Variants in YIPF7 observed in about 807,000 individuals in gnomAD.
YIPF7 encodes the protein protein YIPF7.
In YIPF7, 35 loss-of-function variants were observed where a neutral mutation model predicts 27.2. The ratio of observed to expected loss-of-function variants is 1.29; its 90% CI spans 0.98 to 1.70. YIPF7 has a LOEUF of 1.70. Among genes scored for constraint, YIPF7 ranks in the 40% most tolerant of loss-of-function variants. The pLI is 0.00. For missense variants in YIPF7, 358 were observed against 303.7 expected, an observed-to-expected ratio of 1.18 and a Z score of -1.33; for synonymous variants, 137 against 110.4, an observed-to-expected ratio of 1.24 and a Z score of -1.51.
chr4:44,648,173 T>C (rs538274427), intron 2 of YIPF7, among the ~76,000 whole-genome samples: 2 of 152,234 alleles, frequency 1.3e-5, no homozygotes, highest in East Asian at 1.9e-4. Flanking sequence ...TCATGCAAAA[T>C]GGGGATGATA....
intron 5 of YIPF7, among the ~76,000 whole-genome samples, chr4:44,624,118 T>G (rs1161423215): frequency 1.3e-5 from 2 of 150,442 alleles, no homozygotes; most frequent in African/African-American, 4.9e-5. Context: ...CAGGCTGGAG[T>G]GCAGTGGTGC....
Position 44,622,306 on chromosome 4 carries a change from T to A in YIPF7, c.*108A>T. 7.5e-7 allele frequency: 1 copy of A among 1,341,942 alleles called. No individual in the cohort carries two copies. The highest frequency in any genetic ancestry group is 1.5e-5 in the African/African-American group (1 of 67,900). The allele number at this position is 1,341,942 out of a possible 1,614,324, so 83.1% of individuals were successfully genotyped here. A position where few individuals can be genotyped will look rare whatever the true frequency, so the allele number is the denominator to read the frequency against. ...TGCTTTGTCTCTCTGCTTATTACTC[T>A]CTCAAAAGCAATAAAACAGAAATCA... On this transcript the variant is annotated 3_prime_UTR_variant, in exon 6 of 6. Transcript: ENST00000415895.
intron 3 of YIPF7, among the ~76,000 whole-genome samples, 174 bp from the exon 4 acceptor site, chr4:44,629,722 A>G (rs1003874030): frequency 9.4e-6 from 1 of 106,210 alleles, no homozygotes; most frequent in African/African-American, 2.7e-5. Flanking sequence ...CTCAAGTTCT[A>G]TGTAACATAT....
chr4:44,634,523 C>T (rs1430978165), intron 3 of YIPF7, among the ~76,000 whole-genome samples: 1 of 151,724 alleles, frequency 6.6e-6, no homozygotes, highest in African/African-American at 2.4e-5. Flanking sequence ...CAGAGTAAGA[C>T]TCCATCTCAA....
intron 3 of YIPF7, among the ~76,000 whole-genome samples, chr4:44,632,911 A>G (rs1712965316): frequency 6.6e-6 from 1 of 152,158 alleles, no homozygotes; most frequent in Non-Finnish European, 1.5e-5. Flanking sequence ...GTGGACCCAT[A>G]TCTACCTGCC....
At chr4:44,637,847 G>T (rs1383375684) in intron 2 of YIPF7, among the ~76,000 whole-genome samples, 1 of 152,138 alleles carries the variant, frequency 6.6e-6, no homozygotes, top group Non-Finnish European at 1.5e-5. Context: ...TACAATGTTT[G>T]GTTTTCCATT....
chr4:44,629,566 G>T lies in YIPF7; in HGVS notation c.281-18C>A, dbSNP rs1712807332. The T allele has an allele frequency of 3.3e-6, 5 of 1,495,846 alleles. No homozygotes were observed. Among genetic ancestry groups the T allele is most frequent in the East Asian group, 2.5e-5 (1 of 39,868 alleles). The allele number at this position is 1,495,846 out of a possible 1,614,324, so 92.7% of individuals were successfully genotyped here. A position where few individuals can be genotyped will look rare whatever the true frequency, so the allele number is the denominator to read the frequency against. On this transcript the variant is annotated intron_variant, in intron 3 of 5. Coordinates refer to ENST00000415895, the MANE Select transcript of YIPF7 (RefSeq NM_182592.3). ...TCCAAGTTCTGTAAAAAGGAAAAAAGATAAATAATATGATAACATAAATAT... is the reference window on the plus strand; with the variant it reads ...TCCAAGTTCTGTAAAAAGGAAAAAATATAAATAATATGATAACATAAATAT...
At chr4:44,642,650 C>A (rs550824718) in intron 2 of YIPF7, among the ~76,000 whole-genome samples, 10 of 152,088 alleles carry the variant, frequency 6.6e-5, no homozygotes, top group Non-Finnish European at 8.8e-5. Flanking sequence ...ATTATGGGGG[C>A]AATTTCTCAT....
intron 3 of YIPF7, among the ~76,000 whole-genome samples, chr4:44,633,448 AAT>A (rs61078116): frequency 0.086 from 12,979 of 151,566 alleles, 592 homozygotes; most frequent in Admixed American, 0.11. Flanking sequence ...GCACAGAAAA[AAT>A]AAATAAATCC....
chr4:44,626,824 G>A (rs537289368), intron 4 of YIPF7, among the ~76,000 whole-genome samples: 22 of 128,164 alleles, frequency 1.7e-4, no homozygotes, highest in African/African-American at 5.9e-4. Flanking sequence ...CGCCCAGGCC[G>A]GAGGGCAGTG....
chr4:44,622,236 A>G lies in YIPF7; in HGVS notation c.*178T>C. ...TTAATGCACCAAACTCAAAAGCAAA[A>G]CATCATTCAAACCAACAGGCTATTA... On this transcript the variant is annotated 3_prime_UTR_variant, in exon 6 of 6. Coordinates refer to ENST00000415895, the MANE Select transcript of YIPF7 (RefSeq NM_182592.3). 1 of 747,590 alleles carries G rather than the reference A, an allele frequency of 1.3e-6. No homozygotes were observed. Among genetic ancestry groups the G allele is most frequent in the South Asian group, 2.1e-5 (1 of 47,536 alleles). The allele number at this position is 747,590 out of a possible 1,614,324, so 46.3% of individuals were successfully genotyped here.
Position 44,640,295 on chromosome 4 carries a change from G to A in YIPF7, c.117-4210C>T, listed in dbSNP as rs192711709. Among the ~76,000 whole-genome samples the A allele has an allele frequency of 7.9e-5, 12 of 152,296 alleles. No homozygotes were observed. In the East Asian group the frequency reaches 1.4e-3, roughly 17 times the overall value. ...CTTTTTTGTACATTTGGTAGAATTCGACTGTGAATTCATGTGGTCCAGGCC... is the reference window on the plus strand; with the variant it reads ...CTTTTTTGTACATTTGGTAGAATTCAACTGTGAATTCATGTGGTCCAGGCC... On this transcript the variant is annotated intron_variant, in intron 2 of 5. Coordinates refer to ENST00000415895, the MANE Select transcript of YIPF7 (RefSeq NM_182592.3).
At chr4:44,625,856 CATTATGCTG>C (rs1477900514) in intron 4 of YIPF7, among the ~76,000 whole-genome samples, 1 of 152,142 alleles carries the variant, frequency 6.6e-6, no homozygotes, top group African/African-American at 2.4e-5. Context: ...TTTATATTTA[CATTATGCTG>C]ATCATAACTT....
chr4:44,622,751 A>G (rs942380838), intron 5 of YIPF7, among the ~76,000 whole-genome samples, 175 bp from the exon 6 acceptor site: 1 of 152,232 alleles, frequency 6.6e-6, no homozygotes, highest in Non-Finnish European at 1.5e-5. Context: ...TTTTTAGTCA[A>G]ATTCATTACA....
intron 1 of YIPF7, chr4:44,660,659 C>T (rs1448672270): frequency 2.0e-5 from 3 of 152,146 alleles, no homozygotes; most frequent in Non-Finnish European, 2.9e-5. Context: ...TTGTGAGTCA[C>T]TACATTTTGG....
At chr4:44,658,169 G>T (rs897001998) in intron 2 of YIPF7, among the ~76,000 whole-genome samples, 3 of 152,188 alleles carry the variant, frequency 2.0e-5, no homozygotes, top group African/African-American at 7.2e-5. Flanking sequence ...GATGGTATCT[G>T]GAGGTGGAGT....
At chr4:44,640,230 T>C (rs1043481904) in intron 2 of YIPF7, among the ~76,000 whole-genome samples, 1 of 152,240 alleles carries the variant, frequency 6.6e-6, no homozygotes, top group South Asian at 2.1e-4. Context: ...TCCCTCCATC[T>C]GAATTTTTGG....
intron 1 of YIPF7, 96 bp downstream of exon 1, chr4:44,651,458 C>T (rs765563945): frequency 1.5e-6 from 1 of 688,206 alleles, no homozygotes; most frequent in Middle Eastern, 4.3e-4. Flanking sequence ...ACATGCAAAG[C>T]TTTATGTAAC....
At chr4:44,658,871 T>A (rs545065240) in intron 2 of YIPF7, among the ~76,000 whole-genome samples, 4 of 152,182 alleles carry the variant, frequency 2.6e-5, no homozygotes, top group Non-Finnish European at 5.9e-5. Flanking sequence ...CCTCCATGAT[T>A]CGATTATCTT....
Sources: gnomAD v4.1 joint callset for allele counts (sites outside exome capture counted in the v4.1 genomes callset) on GRCh38, gnomAD v4.1.1 for gene constraint, MANE v1.5 for transcripts, NCBI Gene and HGNC (gene_info 2026-07-23, HGNC 2026-07-21) for gene names.